KCNK13: variants seen among roughly 807,000 people sequenced by gnomAD.
KCNK13 encodes the protein potassium two pore domain channel subfamily K member 13, also known as potassium channel subfamily K member 13.
In KCNK13, 12 loss-of-function variants were observed where a neutral mutation model predicts 23.4. The observed-to-expected ratio is 0.51, with a 90% CI of 0.33 to 0.83. The LOEUF (loss-of-function observed/expected upper bound fraction) is 0.83, where lower values mean the gene tolerates loss of function less well. Ranked by LOEUF, KCNK13 falls within the 40% of genes least tolerant of loss-of-function variation. The pLI is 0.02. For missense variants in KCNK13, 463 were observed against 556.3 expected (o/e 0.83, Z 1.69); for synonymous variants, 231 against 229.5 (o/e 1.01, Z -0.06).
intron 1 of KCNK13, among the ~76,000 whole-genome samples, chr14:90,098,653 C>CAA (rs1259916075): frequency 9.5e-6 from 1 of 104,730 alleles, no homozygotes; most frequent in Non-Finnish European, 2.0e-5. Context: ...ACTCGGTCTC[C>CAA]AAAAAAAAAA....
intron 1 of KCNK13, among the ~76,000 whole-genome samples, chr14:90,167,137 C>T (rs1890312973): frequency 6.6e-6 from 1 of 152,142 alleles, no homozygotes; most frequent in African/African-American, 2.4e-5. Context: ...ATGGGAAGCA[C>T]CAAACTCAGT....
chr14:90,088,466 G>GT (rs1889306886), intron 1 of KCNK13, among the ~76,000 whole-genome samples: 2 of 152,334 alleles, frequency 1.3e-5, no homozygotes, highest in East Asian at 3.9e-4. Context: ...GAGAAGAGAT[G>GT]TGCACAGTCA....
In KCNK13 at chr14:90,179,628, C is replaced by T. The variant is rs79701003; in HGVS notation, c.335-4483C>T. Among the ~76,000 whole-genome samples, 967 of 152,244 alleles carry T rather than the reference C, an allele frequency of 6.4e-3. 8 individuals are homozygous for T. The highest frequency in any genetic ancestry group is 0.022 in the African/African-American group (928 of 41,526). On this transcript the variant is annotated intron_variant, in intron 1 of 1. Coordinates refer to ENST00000282146, the MANE Select transcript of KCNK13 (RefSeq NM_022054.4). ...TGGCCTCCAAGCCAATCTCATTCGC[C>T]GTTGGTTCTCGATCCACTCATCAGC... is the stretch of plus-strand genomic sequence containing the variant.
intron 1 of KCNK13, among the ~76,000 whole-genome samples, chr14:90,081,935 C>T (rs1889217651): frequency 6.6e-6 from 1 of 152,120 alleles, no homozygotes; most frequent in Non-Finnish European, 1.5e-5. Flanking sequence ...GGTTGCCTCT[C>T]ATATTTTGCC....
At chr14:90,128,573 AT>A (rs1486452675) in intron 1 of KCNK13, among the ~76,000 whole-genome samples, 1 of 152,108 alleles carries the variant, frequency 6.6e-6, no homozygotes, top group Non-Finnish European at 1.5e-5. Context: ...GCACCTTACC[AT>A]CCTGGAGACA....
At chr14:90,093,459 C>G (rs1889372749) in intron 1 of KCNK13, among the ~76,000 whole-genome samples, 1 of 152,184 alleles carries the variant, frequency 6.6e-6, no homozygotes, top group Admixed American at 6.5e-5. Context: ...CAGCCTGTTA[C>G]TATTGCCCTG....
chr14:90,097,872 C>T (rs1889430248), intron 1 of KCNK13, among the ~76,000 whole-genome samples: 1 of 152,054 alleles, frequency 6.6e-6, no homozygotes, highest in African/African-American at 2.4e-5. Context: ...CAGTTATTAG[C>T]CATTAGTAAT....
intron 1 of KCNK13, among the ~76,000 whole-genome samples, chr14:90,070,865 T>C (rs1400846940): frequency 2.0e-5 from 3 of 152,284 alleles, no homozygotes; most frequent in African/African-American, 7.2e-5. Flanking sequence ...TTACCTCCAC[T>C]CAGGATAGGG....
intron 1 of KCNK13, among the ~76,000 whole-genome samples, chr14:90,145,017 G>A (rs182790573): frequency 1.0e-3 from 152 of 152,146 alleles, no homozygotes; most frequent in Admixed American, 4.7e-3. Flanking sequence ...AATGGATGTT[G>A]GATTTTGTCA....
chr14:90,172,285 C>G (rs978427646), intron 1 of KCNK13, among the ~76,000 whole-genome samples: 7 of 147,822 alleles, frequency 4.7e-5, no homozygotes, highest in Non-Finnish European at 1.0e-4. Context: ...CCTCTGCACT[C>G]TATCCCGGGT....
At chr14:90,071,435 C>T (rs1889072973) in intron 1 of KCNK13, among the ~76,000 whole-genome samples, 1 of 152,176 alleles carries the variant, frequency 6.6e-6, no homozygotes, top group Non-Finnish European at 1.5e-5. Flanking sequence ...CCCTAAACTC[C>T]TCCCCAACTT....
intron 1 of KCNK13, among the ~76,000 whole-genome samples, chr14:90,151,697 A>G (rs1353569936): frequency 6.6e-6 from 1 of 152,186 alleles, no homozygotes; most frequent in Non-Finnish European, 1.5e-5. Context: ...CCAAAAAATC[A>G]TTGCCAAAAC....
intron 1 of KCNK13, among the ~76,000 whole-genome samples, chr14:90,120,079 C>T (rs1889719441): frequency 6.6e-6 from 1 of 152,160 alleles, no homozygotes; most frequent in Non-Finnish European, 1.5e-5. Flanking sequence ...TCTCCACCCT[C>T]AAGTAGGCCT....
intron 1 of KCNK13, among the ~76,000 whole-genome samples, chr14:90,100,242 G>A (rs572314801): frequency 1.3e-5 from 2 of 152,278 alleles, no homozygotes; most frequent in South Asian, 4.1e-4. Context: ...GAACCTTGAT[G>A]TAAACACGTG....
intron 1 of KCNK13, among the ~76,000 whole-genome samples, chr14:90,101,767 G>A (rs1342871695): frequency 9.9e-6 from 1 of 100,836 alleles, no homozygotes; most frequent in African/African-American, 3.9e-5. Context: ...TCCAGCCTGG[G>A]CAACAGAGTG....
intron 1 of KCNK13, among the ~76,000 whole-genome samples, chr14:90,182,353 A>T (rs1890496698): frequency 6.6e-6 from 1 of 152,138 alleles, no homozygotes; most frequent in Non-Finnish European, 1.5e-5. Flanking sequence ...CACACATTTC[A>T]AGGTCTGGTC....
At position 90,133,962 on chromosome 14, in the gene KCNK13, TC is replaced by T. The variant is rs527693284; in HGVS notation, c.335-50146del. Among the ~76,000 whole-genome samples the T allele has an allele frequency of 6.5e-3, 985 of 152,208 alleles. 13 individuals are homozygous for T. The highest frequency in any genetic ancestry group is 0.022 in the African/African-American group (906 of 41,516). ...GAAAATGGATTCTTCCCATCCATAT[TC>T]CCAGGGCCTACCTCGGGTCGGGCAC... On this transcript the variant is annotated intron_variant, in intron 1 of 1. Transcript: ENST00000282146.
chr14:90,129,531 T>C (rs1889842666), intron 1 of KCNK13, among the ~76,000 whole-genome samples: 1 of 152,154 alleles, frequency 6.6e-6, no homozygotes, highest in Admixed American at 6.5e-5. Context: ...AGACTCCACT[T>C]TGGGAACCAC....
intron 1 of KCNK13, among the ~76,000 whole-genome samples, chr14:90,117,728 C>A (rs76922291): frequency 1.5e-3 from 229 of 152,296 alleles, no homozygotes; most frequent in African/African-American, 5.3e-3. Flanking sequence ...TGAAGTGGTA[C>A]TTAGTACATT....
Sources: gnomAD v4.1 joint callset for allele counts (sites outside exome capture counted in the v4.1 genomes callset) on GRCh38, gnomAD v4.1.1 for gene constraint, MANE v1.5 for transcripts, NCBI Gene and HGNC (gene_info 2026-07-23, HGNC 2026-07-21) for gene names.